The following SP110 variants were observed in gnomAD, a reference collection of about 807,000 sequenced individuals.
SP110 encodes the protein interferon-induced protein 41, 30kD.
In SP110, 62 loss-of-function variants were observed where a neutral mutation model predicts 92.7. The ratio of observed to expected loss-of-function variants is 0.67; its 90% CI spans 0.55 to 0.83. SP110 has a LOEUF of 0.83. Ranked by LOEUF, SP110 falls within the 40% of genes least tolerant of loss-of-function variation. The pLI is 0.00. For synonymous variants in SP110, 273 were observed against 305.3 expected (o/e 0.89, Z 1.10); for missense variants, 793 against 863.9 (o/e 0.92, Z 1.03).
intron 3 of SP110, chr2:230,213,939 G>C (rs114030565): frequency 6.6e-6 from 1 of 152,238 alleles, no homozygotes. Context: ...TGTAGCTCAA[G>C]AAATCATCTC....
intron 10 of SP110, among the ~76,000 whole-genome samples, chr2:230,188,886 G>T (rs1279307750): frequency 6.6e-6 from 1 of 151,898 alleles, no homozygotes; most frequent in Non-Finnish European, 1.5e-5. Context: ...CTCACTGTTT[G>T]TTATTGGTCT....
chr2:230,172,107 A>C lies in SP110; in HGVS notation c.1774T>G (p.Ser592Ala). ...TGCATCTGCCTCTCCAGGGTCTTAG[A>C]TACATGATGGCACTGTTGGCTTCCT... ...SSGSQQCHHV[S>A]KTLERQMQPQ... The change falls in exon 16 of 19, where the codon TCT (serine) becomes GCT (alanine). Residue 592 changes from serine (S) to alanine (A), a missense_variant. Physicochemically the swap from Ser to Ala is moderately conservative, Grantham distance 99. Coordinates refer to ENST00000258381, the MANE Select transcript of SP110 (RefSeq NM_080424.4). 1 of 1,613,536 alleles carries C rather than the reference A, an allele frequency of 6.2e-7. No homozygotes were observed. The highest frequency in any genetic ancestry group is 8.5e-7 in the Non-Finnish European group (1 of 1,179,390).
At chr2:230,197,176 C>G (rs76565477) in intron 10 of SP110, among the ~76,000 whole-genome samples, 2,552 of 152,002 alleles carry the variant, frequency 0.017, 51 homozygotes, top group African/African-American at 0.056. Context: ...AAAAGTGTTC[C>G]TATTTCTCCA....
chr2:230,179,073 C>G (rs1437862837), intron 12 of SP110, among the ~76,000 whole-genome samples: 1 of 152,186 alleles, frequency 6.6e-6, no homozygotes, highest in East Asian at 1.9e-4. Flanking sequence ...TGGTCCAACT[C>G]TCTCCCTTGC....
rs1374539748 is a variant in SP110, at chr2:230,166,825, T to C, written c.*2299A>G. On this transcript the variant is annotated 3_prime_UTR_variant, in exon 19 of 19. Coordinates refer to ENST00000258381, the MANE Select transcript of SP110 (RefSeq NM_080424.4). ...AGAGGTGTATCATACATATAAATCATGTATCAAGGAAAATTTCCTGCCCTG... is the reference window on the plus strand; with the variant it reads ...AGAGGTGTATCATACATATAAATCACGTATCAAGGAAAATTTCCTGCCCTG... Among the ~76,000 whole-genome samples, 1 of 152,180 alleles carries C rather than the reference T, an allele frequency of 6.6e-6. No individual in the cohort carries two copies. Among genetic ancestry groups the C allele is most frequent in the Non-Finnish European group, 1.5e-5 (1 of 68,034 alleles).
chr2:230,212,620 C>A, intron 4 of SP110, 141 bp downstream of exon 4: 1 of 1,242,578 alleles, frequency 8.0e-7, no homozygotes, highest in Non-Finnish European at 1.2e-6. Context: ...CATAATCCCT[C>A]TTGAAAAGGG....
At chr2:230,197,149 A>T (rs901425303) in intron 10 of SP110, among the ~76,000 whole-genome samples, 4 of 152,186 alleles carry the variant, frequency 2.6e-5, no homozygotes, top group African/African-American at 9.7e-5. Flanking sequence ...ACTAGTGTAC[A>T]GTCCCACCAA....
upstream of SP110, among the ~76,000 whole-genome samples, chr2:230,221,982 C>T (rs1645104639): frequency 6.6e-6 from 1 of 152,230 alleles, no homozygotes; most frequent in African/African-American, 2.4e-5. Flanking sequence ...TTAGCTAGCA[C>T]TTTGGGAGGC....
In SP110 at chr2:230,180,810, G is replaced by A. The variant is rs2042096922; in HGVS notation, c.1349-2555C>T. 2.0e-5 allele frequency among the ~76,000 whole-genome samples: 3 copies of A among 152,202 alleles called. No homozygotes were observed. The South Asian group carries it at 6.2e-4, about 32-fold the overall frequency. ...TGCTGAGGGACAACTGTCAACGTTT[G>A]CCGGGGCTCCTGCCTCCACCAGTGT... On this transcript the variant is annotated intron_variant, in intron 12 of 18. Coordinates refer to ENST00000258381, the MANE Select transcript of SP110 (RefSeq NM_080424.4).
In SP110 at chr2:230,168,957, A is replaced by C. The variant is rs2078358418; in HGVS notation, c.*167T>G. 1 of 638,804 alleles carries C rather than the reference A, an allele frequency of 1.6e-6. No homozygotes were observed. The highest frequency in any genetic ancestry group is 1.8e-5 in the African/African-American group (1 of 54,070). 39.6% of individuals were successfully genotyped at this position (638,804 alleles called of 1,614,324 possible). On this transcript the variant is annotated 3_prime_UTR_variant, in exon 19 of 19. Coordinates refer to ENST00000258381, the MANE Select transcript of SP110 (RefSeq NM_080424.4). ...AGTGTAGATATAGACTTTTAAAGGTAAAAAGAAAGAATAAAGATGGAGGGT... is the reference window on the plus strand; with the variant it reads ...AGTGTAGATATAGACTTTTAAAGGTCAAAAGAAAGAATAAAGATGGAGGGT...
intron 14 of SP110, 157 bp from the exon 15 acceptor site, chr2:230,173,116 T>G: frequency 1.5e-6 from 1 of 650,926 alleles, no homozygotes; most frequent in Non-Finnish European, 2.9e-6. Context: ...CTGGGGGAAA[T>G]TGCAAGACAA....
intron 14 of SP110, chr2:230,173,276 C>G (rs749273869): frequency 1.4e-5 from 5 of 367,486 alleles, no homozygotes; most frequent in Admixed American, 3.7e-5. Context: ...ACTCTGGGCG[C>G]ATTTGCTGAG....
At position 230,177,530 on chromosome 2, in the gene SP110, T is replaced by C. The variant is rs1434466523; in HGVS notation, c.1590+8A>G. 6.2e-7 allele frequency: 1 copy of C among 1,613,962 alleles called. No individual in the cohort carries two copies. Among genetic ancestry groups the C allele is most frequent in the African/African-American group, 1.3e-5 (1 of 75,044 alleles). ...ACCTGTCACCTATCTGTCCCGTCAT[T>C]ATAATACCTTCAGCAGCTCTCCTAG... On this transcript the variant is annotated splice_region_variant and intron_variant, in intron 14 of 18. Transcript: ENST00000258381.
Position 230,212,430 on chromosome 2 carries a change from A to T in SP110, c.584T>A (p.Val195Glu). 1 of 1,606,578 alleles carries T rather than the reference A, an allele frequency of 6.2e-7. No individual in the cohort carries two copies. The highest frequency in any genetic ancestry group is 8.5e-7 in the Non-Finnish European group (1 of 1,173,048). The change falls in exon 5 of 19, where the codon GTG becomes GAG. Residue 195 changes from valine (V) to glutamate (E), a missense_variant and splice_region_variant. Coordinates refer to ENST00000258381, the MANE Select transcript of SP110 (RefSeq NM_080424.4). ...TTTGGATGTTAACTTGTCATTGGTC[A>T]CTGAAGGAGGAAAGGAAATTATTAC... ...ALIQEGRSTS[V>E]TNDKLTSKMN...
upstream of SP110, among the ~76,000 whole-genome samples, chr2:230,222,018 A>G (rs948035470): frequency 1.3e-5 from 2 of 152,238 alleles, no homozygotes; most frequent in African/African-American, 4.8e-5. Context: ...ACTTGAGGCC[A>G]GGAATTCAAG....
In SP110 at chr2:230,170,679, A is replaced by G; in HGVS notation, c.1970T>C (p.Val657Ala). Reference protein sequence around the residue: ...KERLITEMYTVAWFVRDMRLM... With the variant: ...KERLITEMYTAAWFVRDMRLM... ...GCGCATGTCTCGCACAAACCATGCC[A>G]CCGTGTACATTTCCGTAATCAGCCT... The change falls in exon 18 of 19, where the codon GTG (valine) becomes GCG (alanine). Residue 657 changes from valine (V) to alanine (A), a missense_variant. Val to Ala is a moderately conservative substitution (Grantham distance 64). Coordinates refer to ENST00000258381, the MANE Select transcript of SP110 (RefSeq NM_080424.4). 6.2e-7 allele frequency: 1 copy of G among 1,614,064 alleles called. No individual in the cohort carries two copies. Among genetic ancestry groups the G allele is most frequent in the Non-Finnish European group, 8.5e-7 (1 of 1,180,006 alleles).
In SP110 at chr2:230,202,727, C is replaced by T. The variant is rs886055765; in HGVS notation, c.900G>A (p.Gly300=). 3.7e-6 allele frequency: 6 copies of T among 1,613,974 alleles called. No individual in the cohort carries two copies. The African/African-American group carries it at 6.7e-5, about 18-fold the overall frequency. Residue 300 remains glycine (G), a splice_region_variant and synonymous_variant, in exon 9 of 19, where the codon GGG becomes GGA. Transcript: ENST00000258381. ...RRHKKKSLPG[G]TASSRHGIQK... ...GGATTCCGTGTCTAGATGAGGCTGT[C>T]CCTGGACCAAATAATGACTTGTTAA... is the stretch of plus-strand genomic sequence containing the variant.
chr2:230,210,648 G>A (rs985342981), intron 6 of SP110, among the ~76,000 whole-genome samples: 1 of 152,178 alleles, frequency 6.6e-6, no homozygotes, highest in Non-Finnish European at 1.5e-5. Context: ...GACATATAAA[G>A]CTCTGCTAGT....
At chr2:230,220,012 G>C, upstream of SP110, 1 of 985,640 alleles carries the variant, frequency 1.0e-6, no homozygotes, top group South Asian at 4.7e-5. Context: ...AAGGGGCCGG[G>C]CTTCCGAGAA....
Sources: gnomAD v4.1 joint callset for allele counts (sites outside exome capture counted in the v4.1 genomes callset) on GRCh38, gnomAD v4.1.1 for gene constraint, MANE v1.5 for transcripts, NCBI Gene and HGNC (gene_info 2026-07-23, HGNC 2026-07-21) for gene names.